RAB6A: variants seen among roughly 807,000 people sequenced by gnomAD.
The protein encoded by RAB6A is RAB6A, member RAS oncogene family.
A neutral mutation model predicts 32.3 loss-of-function variants in RAB6A; 8 were observed. That is an observed-to-expected ratio of 0.25 (90% CI 0.15 to 0.45). The LOEUF (loss-of-function observed/expected upper bound fraction) is 0.45, where lower values mean the gene tolerates loss of function less well. Among genes scored for constraint, RAB6A ranks in the 20% least tolerant of loss-of-function variants. The probability of loss-of-function intolerance (pLI) is 1.00; values close to 1 mark genes in which losing one functional copy is unlikely to be tolerated. For synonymous variants in RAB6A, 73 were observed against 82.1 expected (o/e 0.89, Z 0.60); for missense variants, 104 against 249.4 (o/e 0.42, Z 3.93).
rs541239823 is a variant in RAB6A at position 73,740,058 on chromosome 11, C to CAA, written c.71-9237_71-9236dup. On this transcript the variant is annotated intron_variant, in intron 1 of 7. Coordinates refer to ENST00000336083, the MANE Select transcript of RAB6A (RefSeq NM_198896.2). ...TGGGCAACAGAGCAAGACTCTGTCT[C>CAA]AAAAAAAAGAAAAAAAAAAAAAAGA... Among the ~76,000 whole-genome samples the CAA allele has an allele frequency of 4.5e-4, 53 of 116,594 alleles. No individual in the cohort carries two copies. The South Asian group carries it at 0.012, about 27-fold the overall frequency. 76.5% of individuals were successfully genotyped at this position (116,594 alleles called of 152,430 possible).
chr11:73,707,048 G>A (rs982811065), intron 6 of RAB6A, among the ~76,000 whole-genome samples: 5 of 151,388 alleles, frequency 3.3e-5, no homozygotes, highest in African/African-American at 1.2e-4. Flanking sequence ...AACCCAGGAG[G>A]TGGAGGTTGC....
At chr11:73,725,986 C>T (rs1290198272) in intron 2 of RAB6A, among the ~76,000 whole-genome samples, 4 of 151,806 alleles carry the variant, frequency 2.6e-5, no homozygotes, top group Non-Finnish European at 4.4e-5. Flanking sequence ...GAACCTGTCT[C>T]TATTAAAAAC....
chr11:73,712,885 T>C (rs1322351669), intron 5 of RAB6A, among the ~76,000 whole-genome samples: 2 of 151,964 alleles, frequency 1.3e-5, no homozygotes, highest in Non-Finnish European at 2.9e-5. Context: ...ACCTGGCTAA[T>C]TTTTATATTT....
chr11:73,706,779 A>G (rs1490112852), intron 6 of RAB6A, among the ~76,000 whole-genome samples: 1 of 152,206 alleles, frequency 6.6e-6, no homozygotes, highest in Non-Finnish European at 1.5e-5. Context: ...CATTACTGAC[A>G]GTAAATACTT....
chr11:73,748,616 T>C (rs188673001), intron 1 of RAB6A, among the ~76,000 whole-genome samples: 63 of 152,330 alleles, frequency 4.1e-4, no homozygotes, highest in African/African-American at 1.5e-3. Flanking sequence ...ATTAAAGCTA[T>C]GTAACAGCTA....
At chr11:73,744,786 C>T (rs1016027602) in intron 1 of RAB6A, among the ~76,000 whole-genome samples, 1 of 151,866 alleles carries the variant, frequency 6.6e-6, no homozygotes, top group Non-Finnish European at 1.5e-5. Flanking sequence ...ACCATCCTGG[C>T]CAACATGGTG....
intron 6 of RAB6A, among the ~76,000 whole-genome samples, chr11:73,697,694 A>G (rs979713999): frequency 1.3e-5 from 2 of 152,124 alleles, no homozygotes; most frequent in African/African-American, 4.8e-5. Flanking sequence ...TAAGGATTAT[A>G]TTTCACTAAT....
At chr11:73,723,048 T>TC (rs1033696508) in intron 2 of RAB6A, among the ~76,000 whole-genome samples, 2 of 151,604 alleles carry the variant, frequency 1.3e-5, no homozygotes, top group African/African-American at 2.4e-5. Flanking sequence ...CTCAAGTGAT[T>TC]CCCCCCGACC....
chr11:73,757,123 ATATATATTTTTTTT>A (rs1946769113), intron 1 of RAB6A, among the ~76,000 whole-genome samples: 3 of 48,046 alleles, frequency 6.2e-5, no homozygotes, highest in African/African-American at 3.2e-4. Context: ...ATATATATAT[ATATATATTTTTTTT>A]TTTTTTTTTT....
chr11:73,720,803 C>A, intron 3 of RAB6A, 43 bp downstream of exon 3: 2 of 1,448,608 alleles, frequency 1.4e-6, no homozygotes, highest in Non-Finnish European at 1.9e-6. Flanking sequence ...AGTTTTCTAA[C>A]CTGGAATGTT....
At position 73,722,307 on chromosome 11, in the gene RAB6A, A is replaced by ATG. The variant is rs1231102849; in HGVS notation, c.130-1409_130-1408insCA. 290 of 62,462 alleles carry ATG rather than the reference A, an allele frequency of 4.6e-3. 10 individuals are homozygous for ATG. Among genetic ancestry groups the ATG allele is most frequent in the African/African-American group, 0.014 (242 of 17,752 alleles). 3.9% of individuals were successfully genotyped at this position (62,462 alleles called of 1,614,324 possible). On this transcript the variant is annotated intron_variant, in intron 2 of 7. Coordinates refer to ENST00000336083, the MANE Select transcript of RAB6A (RefSeq NM_198896.2). ...AATTCAAATATATATGTGTGTGTGTATATATATATATATATATATATATAT... is the reference window on the plus strand; with the variant it reads ...AATTCAAATATATATGTGTGTGTGTATGTATATATATATATATATATATATAT...
At chr11:73,723,385 G>A (rs1283730382) in intron 2 of RAB6A, among the ~76,000 whole-genome samples, 1 of 151,992 alleles carries the variant, frequency 6.6e-6, no homozygotes. Flanking sequence ...GAGTGCAGTG[G>A]GGTGATCTTG....
chr11:73,699,870 G>C (rs576575774), intron 6 of RAB6A, among the ~76,000 whole-genome samples: 1 of 152,286 alleles, frequency 6.6e-6, no homozygotes, highest in Admixed American at 6.5e-5. Flanking sequence ...ATGAGGAAAA[G>C]ATATGATCAC....
chr11:73,697,303 C>T (rs1210975450), intron 6 of RAB6A, among the ~76,000 whole-genome samples: 2 of 152,050 alleles, frequency 1.3e-5, no homozygotes, highest in African/African-American at 4.8e-5. Context: ...CTTTATCCTT[C>T]TTACCCTACT....
chr11:73,701,447 C>A (rs1945745762), intron 6 of RAB6A, among the ~76,000 whole-genome samples: 2 of 152,150 alleles, frequency 1.3e-5, no homozygotes, highest in Non-Finnish European at 2.9e-5. Context: ...TGTGACTGAC[C>A]TACATAGCAA....
rs1945941994 is a variant in RAB6A at position 73,710,666 on chromosome 11, A to T, written c.402-3153T>A. On this transcript the variant is annotated intron_variant, in intron 5 of 7. Coordinates refer to ENST00000336083, the MANE Select transcript of RAB6A (RefSeq NM_198896.2). ...GCAGGAGAATCACTTAAACCCAGGAAGTGGGGGTTGCAGTGAGCCGAGGTT... is the reference window on the plus strand; with the variant it reads ...GCAGGAGAATCACTTAAACCCAGGATGTGGGGGTTGCAGTGAGCCGAGGTT... Among the ~76,000 whole-genome samples the T allele has an allele frequency of 2.0e-5, 3 of 151,894 alleles. No homozygotes were observed. In the South Asian group the frequency reaches 6.2e-4, roughly 32 times the overall value.
chr11:73,690,560 T>C (rs1323618378), intron 6 of RAB6A, among the ~76,000 whole-genome samples: 1 of 151,618 alleles, frequency 6.6e-6, no homozygotes, highest in Non-Finnish European at 1.5e-5. Context: ...TAATTCTTTT[T>C]TTTTTTTTAA....
In RAB6A at chr11:73,688,109, C is replaced by T. The variant is rs150155552; in HGVS notation, c.496-8389G>A. On this transcript the variant is annotated intron_variant, in intron 6 of 7. Coordinates refer to ENST00000336083, the MANE Select transcript of RAB6A (RefSeq NM_198896.2). ...TCAAGTTTCTTCACTGCCAAATTACCAACTTTCCTTTTGTGATTAATAAGT... is the reference window on the plus strand; with the variant it reads ...TCAAGTTTCTTCACTGCCAAATTACTAACTTTCCTTTTGTGATTAATAAGT... Among the ~76,000 whole-genome samples, 7 of 152,210 alleles carry T rather than the reference C, an allele frequency of 4.6e-5. No homozygotes were observed. In the East Asian group the frequency reaches 1.3e-3, roughly 29 times the overall value.
chr11:73,760,693 C>A lies in RAB6A; in HGVS notation c.-58G>T. 6.4e-7 allele frequency: 1 copy of A among 1,562,728 alleles called. No individual in the cohort carries two copies. Among genetic ancestry groups the A allele is most frequent in the Non-Finnish European group, 8.7e-7 (1 of 1,152,634 alleles). On this transcript the variant is annotated 5_prime_UTR_variant, in exon 1 of 8. Coordinates refer to ENST00000336083, the MANE Select transcript of RAB6A (RefSeq NM_198896.2). ...CTAGAGACCTCCCGGACCGATGCTG[C>A]TCCAGCCAGCTGACGAAAAAGGCGA...
Sources: gnomAD v4.1 joint callset for allele counts (sites outside exome capture counted in the v4.1 genomes callset) on GRCh38, gnomAD v4.1.1 for gene constraint, MANE v1.5 for transcripts, NCBI Gene and HGNC (gene_info 2026-07-23, HGNC 2026-07-21) for gene names.